CSMD1: variants seen among roughly 807,000 people sequenced by gnomAD.
CSMD1 encodes the protein CUB and sushi domain-containing protein 1.
In CSMD1, 213 loss-of-function variants were observed where a neutral mutation model predicts 417.5. The ratio of observed to expected loss-of-function variants is 0.51; its 90% CI spans 0.46 to 0.57. The LOEUF (loss-of-function observed/expected upper bound fraction) is 0.57, where lower values mean the gene tolerates loss of function less well. Ranked by LOEUF, CSMD1 falls within the 20% of genes least tolerant of loss-of-function variation. The probability of loss-of-function intolerance (pLI) is 0.00; values close to 1 mark genes in which losing one functional copy is unlikely to be tolerated. For missense variants in CSMD1, 6,923 were observed against 4,529.7 expected (o/e 1.53, Z -15.17); for synonymous variants, 2,862 against 1,736.8 (o/e 1.65, Z -16.11).
In CSMD1 at chr8:4,199,160, C is replaced by T. The variant is rs1267064555; in HGVS notation, c.416-167061G>A. Among the ~76,000 whole-genome samples, 4 of 152,266 alleles carry T rather than the reference C, an allele frequency of 2.6e-5. No homozygotes were observed. The East Asian group carries it at 7.7e-4, about 29-fold the overall frequency. On this transcript the variant is annotated intron_variant, in intron 3 of 69. Coordinates refer to ENST00000635120, the MANE Select transcript of CSMD1 (RefSeq NM_033225.6). ...GTATGAGACTGCAGAACGTATCCAGCACAGCACTGGGGATGATCCTACTTT... is the reference window on the plus strand; with the variant it reads ...GTATGAGACTGCAGAACGTATCCAGTACAGCACTGGGGATGATCCTACTTT...
chr8:4,994,655 G>GCGGGGC lies in CSMD1; in HGVS notation c.-245_-240dup, dbSNP rs536150882. The GCGGGGC allele has an allele frequency of 4.7e-5, 21 of 445,722 alleles. No individual in the cohort carries two copies. The highest frequency in any genetic ancestry group is 4.2e-4 in the East Asian group (11 of 25,956). 27.6% of individuals were successfully genotyped at this position (445,722 alleles called of 1,614,324 possible). A position where few individuals can be genotyped will look rare whatever the true frequency, so the allele number is the denominator to read the frequency against. The stretch of plus-strand genomic sequence containing the variant: ...GCTCCGAGCGCGGAGACCCGGGCTG[G>GCGGGGC]CGGGGCCGGGGCCGGGGACGAGCGC... On this transcript the variant is annotated 5_prime_UTR_variant, in exon 1 of 70. Coordinates refer to ENST00000635120, the MANE Select transcript of CSMD1 (RefSeq NM_033225.6).
In CSMD1 at chr8:3,681,347, G is replaced by A. The variant is rs570835323; in HGVS notation, c.1009+27067C>T. 1.9e-3 allele frequency among the ~76,000 whole-genome samples: 296 copies of A among 152,174 alleles called. 3 individuals carry two copies. Among genetic ancestry groups the A allele is most frequent in the Non-Finnish European group, 2.9e-3 (195 of 68,006 alleles). ...ATAAGCAACTTCAGCAAAGTCTCAGGATACAAAATCAATGTGCAAAAATCA... is the reference window on the plus strand; with the variant it reads ...ATAAGCAACTTCAGCAAAGTCTCAGAATACAAAATCAATGTGCAAAAATCA... On this transcript the variant is annotated intron_variant, in intron 7 of 69. Transcript: ENST00000635120.
intron 10 of CSMD1, among the ~76,000 whole-genome samples, chr8:3,558,303 GTTCAC>G (rs1158803884): frequency 1.4e-5 from 2 of 143,382 alleles, no homozygotes; most frequent in Non-Finnish European, 1.6e-5. Flanking sequence ...GGAACTCCGT[GTTCAC>G]TCCTCCAATG....
intron 1 of CSMD1, among the ~76,000 whole-genome samples, chr8:4,750,897 G>C (rs796569018): frequency 7.2e-5 from 11 of 152,314 alleles, no homozygotes; most frequent in African/African-American, 2.6e-4. Flanking sequence ...AGCAGTACTA[G>C]GTCTTACTAA....
At chr8:3,341,238 C>A (rs1807622197) in intron 23 of CSMD1, among the ~76,000 whole-genome samples, 1 of 152,048 alleles carries the variant, frequency 6.6e-6, no homozygotes, top group Non-Finnish European at 1.5e-5. Flanking sequence ...CCTATAGTTT[C>A]CATACGGTCA....
At chr8:3,270,185 G>A (rs745542798) in intron 26 of CSMD1, among the ~76,000 whole-genome samples, 4 of 151,806 alleles carry the variant, frequency 2.6e-5, no homozygotes, top group African/African-American at 7.3e-5. Flanking sequence ...AAGTAGCTGG[G>A]ATTACAGGCA....
intron 1 of CSMD1, among the ~76,000 whole-genome samples, chr8:4,802,491 C>G (rs994766732): frequency 6.6e-6 from 1 of 150,638 alleles, no homozygotes; most frequent in African/African-American, 2.5e-5. Context: ...ACAATAAAAA[C>G]AAGACACCAC....
chr8:3,696,398 C>A (rs572670674), intron 7 of CSMD1, among the ~76,000 whole-genome samples: 3 of 152,184 alleles, frequency 2.0e-5, no homozygotes, highest in Middle Eastern at 3.2e-3. Context: ...TATCTTCAAA[C>A]GTGACTTAGT....
At chr8:4,822,641 T>G (rs1378510086) in intron 1 of CSMD1, among the ~76,000 whole-genome samples, 4 of 152,140 alleles carry the variant, frequency 2.6e-5, no homozygotes, top group African/African-American at 9.7e-5. Flanking sequence ...CAAAAAAAGA[T>G]ACTTGAGATA....
intron 6 of CSMD1, among the ~76,000 whole-genome samples, chr8:3,746,278 T>A (rs962534249): frequency 6.6e-6 from 1 of 152,194 alleles, no homozygotes; most frequent in Non-Finnish European, 1.5e-5. Flanking sequence ...TACGAAGGGA[T>A]TGATAACCTA....
At chr8:4,215,264 C>G (rs1387866366) in intron 3 of CSMD1, among the ~76,000 whole-genome samples, 1 of 152,142 alleles carries the variant, frequency 6.6e-6, no homozygotes, top group Non-Finnish European at 1.5e-5. Context: ...TGTTCATAGC[C>G]AAATGCTGTA....
At chr8:4,706,878 C>T (rs1807980135) in intron 1 of CSMD1, among the ~76,000 whole-genome samples, 1 of 152,138 alleles carries the variant, frequency 6.6e-6, no homozygotes. Flanking sequence ...AAGGGCAGTT[C>T]AGTGAAATGA....
At chr8:3,809,968 T>A (rs1800970363) in intron 5 of CSMD1, among the ~76,000 whole-genome samples, 1 of 152,184 alleles carries the variant, frequency 6.6e-6, no homozygotes, top group Non-Finnish European at 1.5e-5. Flanking sequence ...CCTTCCAACT[T>A]CTTTGCTGCA....
chr8:3,042,546 G>A (rs1379770486), intron 50 of CSMD1, among the ~76,000 whole-genome samples: 2 of 152,092 alleles, frequency 1.3e-5, no homozygotes, highest in South Asian at 4.2e-4. Flanking sequence ...AGCTGAAAGC[G>A]GGACGGGCAC....
chr8:4,328,933 T>C lies in CSMD1; in HGVS notation c.415+91020A>G, dbSNP rs563927085. Among the ~76,000 whole-genome samples the C allele has an allele frequency of 6.6e-5, 10 of 152,356 alleles. No homozygotes were observed. In the East Asian group the frequency reaches 1.9e-3, roughly 29 times the overall value. ...TAGTGTGTTGTTTGCATTCGCTGTT[T>C]TTGCAATGCATTTGCAAGTTTAGCA... On this transcript the variant is annotated intron_variant, in intron 3 of 69. Transcript: ENST00000635120.
In CSMD1 at chr8:3,998,034, C is replaced by G. The variant is rs752539126; in HGVS notation, c.687G>C (p.Glu229Asp). 3.1e-6 allele frequency: 5 copies of G among 1,604,058 alleles called. No homozygotes were observed. The highest frequency in any genetic ancestry group is 4.5e-5 in the East Asian group (2 of 44,538). The change falls in exon 5 of 70, where the codon GAG becomes GAC. Residue 229 changes from glutamate to aspartate, a missense_variant. By Grantham distance (45) the Glu-to-Asp change is conservative. Coordinates refer to ENST00000635120, the MANE Select transcript of CSMD1 (RefSeq NM_033225.6). The stretch of plus-strand genomic sequence containing the variant: ...TGGTCCAGGTGCAGTCCGCGTTGTT[C>G]TCGTACTCTGAAGGGAAGTGCGGGC... ...ISSPHFPSEY[E>D]NNADCTWTIL...
At chr8:3,991,108 G>C (rs940157) in intron 5 of CSMD1, among the ~76,000 whole-genome samples, 27,482 of 152,188 alleles carry the variant, frequency 0.18, 2,967 homozygotes, top group Non-Finnish European at 0.23. Context: ...CTGGCCACGA[G>C]CCGAGAGAAA....
Position 3,091,401 on chromosome 8 carries a change from T to C in CSMD1, c.7285+115A>G, listed in dbSNP as rs1814934028. On this transcript the variant is annotated intron_variant, in intron 48 of 69. Coordinates refer to ENST00000635120, the MANE Select transcript of CSMD1 (RefSeq NM_033225.6). ...ATCATATATTTCTACTGTAGTTAAT[T>C]ATTAATCTTTAAGAATTAGGATTAT... The C allele has an allele frequency of 5.7e-6, 4 of 706,432 alleles. No homozygotes were observed. In the East Asian group the frequency reaches 9.4e-5, roughly 17 times the overall value. The allele number at this position is 706,432 out of a possible 1,614,324, so 43.8% of individuals were successfully genotyped here. A position where few individuals can be genotyped will look rare whatever the true frequency, so the allele number is the denominator to read the frequency against.
At chr8:4,876,377 CT>C (rs1291731778) in intron 1 of CSMD1, among the ~76,000 whole-genome samples, 4 of 152,072 alleles carry the variant, frequency 2.6e-5, no homozygotes, top group Non-Finnish European at 5.9e-5. Context: ...GCATACCTCT[CT>C]GAAATACAGA....
Sources: allele counts gnomAD v4.1 joint callset (sites outside exome capture counted in the v4.1 genomes callset), GRCh38; gene constraint gnomAD v4.1.1; transcripts MANE v1.5; gene names NCBI Gene and HGNC (gene_info 2026-07-23, HGNC 2026-07-21).